AP4E1: variants seen among roughly 807,000 people sequenced by gnomAD.
AP4E1 encodes adaptor related protein complex 4 subunit epsilon 1.
A neutral mutation model predicts 128.2 loss-of-function variants in AP4E1; 56 were observed. The observed-to-expected ratio is 0.44, with a 90% CI of 0.35 to 0.55. The LOEUF is 0.55. Ranked by LOEUF, AP4E1 falls within the 20% of genes least tolerant of loss-of-function variation. AP4E1 has a pLI of 0.00. For missense variants in AP4E1, 1,324 were observed against 1,307.7 expected (o/e 1.01, Z -0.19); for synonymous variants, 484 against 473.1 (o/e 1.02, Z -0.30).
At chr15:50,988,580 G>T (rs1267612172) in intron 16 of AP4E1, among the ~76,000 whole-genome samples, 1 of 152,108 alleles carries the variant, frequency 6.6e-6, no homozygotes, top group Admixed American at 6.5e-5. Context: ...CTCCCAAAGT[G>T]CTGGGATTAC....
intron 14 of AP4E1, among the ~76,000 whole-genome samples, chr15:50,962,473 G>A (rs184784485): frequency 9.2e-5 from 14 of 151,900 alleles, no homozygotes; most frequent in Admixed American, 7.9e-4. Context: ...ACTGATTTTC[G>A]GTCAAAGTGC....
chr15:50,945,516 G>A lies in AP4E1; in HGVS notation c.1177-2504G>A, dbSNP rs539399383. 19 of 746,722 alleles carry A rather than the reference G, an allele frequency of 2.5e-5. No homozygotes were observed. The African/African-American group carries it at 2.6e-4, about 10-fold the overall frequency. The allele number at this position is 746,722 out of a possible 1,614,324, so 46.3% of individuals were successfully genotyped here. A position where few individuals can be genotyped will look rare whatever the true frequency, so the allele number is the denominator to read the frequency against. The stretch of plus-strand genomic sequence containing the variant: ...TCCATATGGATCATGTATCTGCAGT[G>A]CTTGACATGGATTACCCTCCCACTG... On this transcript the variant is annotated intron_variant, in intron 10 of 20. Coordinates refer to ENST00000261842, the MANE Select transcript of AP4E1 (RefSeq NM_007347.5).
At chr15:50,929,942 G>A (rs957965895) in intron 6 of AP4E1, among the ~76,000 whole-genome samples, 5 of 151,912 alleles carry the variant, frequency 3.3e-5, no homozygotes, top group African/African-American at 1.2e-4. Context: ...TTTAAGGAGT[G>A]TGGATATAAT....
Position 50,997,446 on chromosome 15 carries a change from A to G in AP4E1, c.2467A>G (p.Asn823Asp), listed in dbSNP as rs776381072. 1.9e-6 allele frequency: 3 copies of G among 1,613,886 alleles called. No individual in the cohort carries two copies. The highest frequency in any genetic ancestry group is 1.7e-4 in the Middle Eastern group (1 of 6,058). ...CTGTTCTTCCTTTAGTTCTTTGTCA[A>G]ATGTGGCATATGAAGATGATTATTA... ...MTCSSFSSLS[N>D]VAYEDDYYSN... is the part of the protein sequence containing the mutation. Residue 823 changes from asparagine to aspartate, a missense_variant, in exon 18 of 21, where the codon AAT becomes GAT. Physicochemically the swap from Asn to Asp is conservative, Grantham distance 23. Coordinates refer to ENST00000261842, the MANE Select transcript of AP4E1 (RefSeq NM_007347.5).
At chr15:50,918,913 T>TG (rs1488148027) in intron 3 of AP4E1, among the ~76,000 whole-genome samples, 1 of 151,692 alleles carries the variant, frequency 6.6e-6, no homozygotes, top group Non-Finnish European at 1.5e-5. Flanking sequence ...GATTTTTTTT[T>TG]TTGTTGTTGT....
At position 50,997,722 on chromosome 15, in the gene AP4E1, C is replaced by T. The variant is rs1567266810; in HGVS notation, c.2743C>T (p.His915Tyr). Residue 915 changes from histidine to tyrosine, a missense_variant, in exon 18 of 21, where the codon CAC becomes TAC. Coordinates refer to ENST00000261842, the MANE Select transcript of AP4E1 (RefSeq NM_007347.5). The stretch of plus-strand genomic sequence containing the variant: ...TTTGGAAGAAACTACTGAATACATA[C>T]ACTCAAATGCTATGGAAGTCTGTAA... ...SFLEETTEYI[H>Y]SNAMEVCNNE... The T allele has an allele frequency of 5.0e-6, 8 of 1,613,950 alleles. No individual in the cohort carries two copies. Among genetic ancestry groups the T allele is most frequent in the East Asian group, 2.2e-5 (1 of 44,844 alleles).
At chr15:50,946,059 C>T (rs1192598074) in intron 10 of AP4E1, 10 of 705,620 alleles carry the variant, frequency 1.4e-5, no homozygotes, top group Non-Finnish European at 2.5e-5. Flanking sequence ...GAGAACTCTA[C>T]AAATTAAAGT....
At chr15:50,963,521 A>T (rs2064344771) in intron 14 of AP4E1, among the ~76,000 whole-genome samples, 1 of 152,192 alleles carries the variant, frequency 6.6e-6, no homozygotes, top group Non-Finnish European at 1.5e-5. Flanking sequence ...GGAAGTTAAA[A>T]ATGTGCATCT....
At chr15:50,926,520 A>T (rs529783985) in intron 5 of AP4E1, among the ~76,000 whole-genome samples, 1 of 151,886 alleles carries the variant, frequency 6.6e-6, no homozygotes, top group South Asian at 2.1e-4. Context: ...TTTTTTTGTT[A>T]CTCATACAAC....
chr15:50,919,182 A>T (rs1434314019), intron 3 of AP4E1, among the ~76,000 whole-genome samples: 2 of 151,374 alleles, frequency 1.3e-5, no homozygotes, highest in Non-Finnish European at 1.5e-5. Flanking sequence ...GTGAGCCAAG[A>T]TCACGCCACT....
At chr15:50,950,254 G>A (rs2064131143) in intron 13 of AP4E1, 85 bp downstream of exon 13, 5 of 906,448 alleles carry the variant, frequency 5.5e-6, no homozygotes, top group African/African-American at 3.3e-5. Flanking sequence ...GAAACCATTC[G>A]CTTTACTCAG....
At chr15:50,984,418 A>G (rs904154615) in intron 16 of AP4E1, among the ~76,000 whole-genome samples, 39 of 151,258 alleles carry the variant, frequency 2.6e-4, no homozygotes, top group Non-Finnish European at 5.2e-4. Flanking sequence ...TTAACTCGTC[A>G]TTTACATTAG....
chr15:50,925,037 A>T (rs571805160), intron 4 of AP4E1, 61 bp from the exon 5 acceptor site: 1 of 1,603,092 alleles, frequency 6.2e-7, no homozygotes, highest in African/African-American at 1.3e-5. Context: ...ACAGTGTTGA[A>T]TTTGCCATTC....
intron 16 of AP4E1, among the ~76,000 whole-genome samples, chr15:50,988,044 C>T (rs2064752751): frequency 6.6e-6 from 1 of 152,040 alleles, no homozygotes; most frequent in African/African-American, 2.4e-5. Context: ...CCTCATTCTT[C>T]TGATAAATAT....
At chr15:50,984,667 A>G (rs1383319579) in intron 16 of AP4E1, among the ~76,000 whole-genome samples, 3 of 152,102 alleles carry the variant, frequency 2.0e-5, no homozygotes, top group Non-Finnish European at 4.4e-5. Context: ...ATAGTATTCC[A>G]TGGTGTATAT....
intron 13 of AP4E1, among the ~76,000 whole-genome samples, chr15:50,950,449 C>T (rs564303654): frequency 4.6e-4 from 70 of 152,140 alleles, no homozygotes; most frequent in Middle Eastern, 6.8e-3. Context: ...TTTGAATACT[C>T]ATTTATCTCT....
At chr15:50,955,728 C>T (rs1211177288) in intron 13 of AP4E1, among the ~76,000 whole-genome samples, 1 of 152,152 alleles carries the variant, frequency 6.6e-6, no homozygotes, top group Non-Finnish European at 1.5e-5. Flanking sequence ...TGCCTAGTCT[C>T]CACTGACACT....
At chr15:50,975,838 C>G (rs2064542976) in intron 15 of AP4E1, among the ~76,000 whole-genome samples, 1 of 152,044 alleles carries the variant, frequency 6.6e-6, no homozygotes, top group Admixed American at 6.6e-5. Flanking sequence ...GGGCTGGGCA[C>G]AGTGGCTCAT....
chr15:50,974,858 A>G (rs2064530988), intron 15 of AP4E1, among the ~76,000 whole-genome samples: 1 of 151,228 alleles, frequency 6.6e-6, no homozygotes, highest in Non-Finnish European at 1.5e-5. Context: ...CCTATTTGTG[A>G]TCAGGTTATT....
Sources: gnomAD v4.1 joint callset for allele counts (sites outside exome capture counted in the v4.1 genomes callset) on GRCh38, gnomAD v4.1.1 for gene constraint, MANE v1.5 for transcripts, NCBI Gene and HGNC (gene_info 2026-07-23, HGNC 2026-07-21) for gene names.